Variants in HSD17B12 observed in about 807,000 individuals in gnomAD.
The protein encoded by HSD17B12 is very-long-chain 3-oxoacyl-CoA reductase.
A neutral mutation model predicts 39.3 loss-of-function variants in HSD17B12; 32 were observed. That is an observed-to-expected ratio of 0.81 (90% CI 0.61 to 1.09). HSD17B12 has a LOEUF of 1.09. HSD17B12 is among the 50% of genes least tolerant of loss of function. HSD17B12 has a pLI of 0.00. For missense variants in HSD17B12, 342 were observed against 382.9 expected, an observed-to-expected ratio of 0.89 and a Z score of 0.89; for synonymous variants, 150 against 146.7, an observed-to-expected ratio of 1.02 and a Z score of -0.16.
chr11:43,824,673 T>C (rs1951215354), intron 6 of HSD17B12, among the ~76,000 whole-genome samples: 1 of 152,142 alleles, frequency 6.6e-6, no homozygotes. Flanking sequence ...TGTCACCATA[T>C]TGGGGATTAG....
rs753384105 is a variant in HSD17B12, at chr11:43,680,851, C to T, written c.24C>T (p.Ala8=). Residue 8 remains alanine (A), a synonymous_variant, in exon 1 of 11, where the codon GCC becomes GCT. Coordinates refer to ENST00000278353, the MANE Select transcript of HSD17B12 (RefSeq NM_016142.3). Reference sequence around the variant, plus strand: ...CCATGGAGAGCGCTCTCCCCGCCGCCGGCTTCCTGTACTGGGTCGGCGCGG... The same window carrying T: ...CCATGGAGAGCGCTCTCCCCGCCGCTGGCTTCCTGTACTGGGTCGGCGCGG... MESALPA[A]GFLYWVGAGT... 2.5e-6 allele frequency: 4 copies of T among 1,614,024 alleles called. No homozygotes were observed. The highest frequency in any genetic ancestry group is 3.4e-6 in the Non-Finnish European group (4 of 1,180,036).
At chr11:43,801,921 A>G (rs1189957700) in intron 4 of HSD17B12, among the ~76,000 whole-genome samples, 1 of 152,160 alleles carries the variant, frequency 6.6e-6, no homozygotes, top group African/African-American at 2.4e-5. Context: ...AGCCACAGTA[A>G]TTTTAGCTTT....
At chr11:43,609,546 A>G in the HSD17B12 span, among the ~76,000 whole-genome samples, 2 of 151,818 alleles carry the variant, frequency 1.3e-5, no homozygotes, top group African/African-American at 2.4e-5. Context: ...TTTAATTTGT[A>G]GAGATGGGGT....
At position 43,814,018 on chromosome 11, in the gene HSD17B12, G is replaced by T. The variant is rs1466092498; in HGVS notation, c.392-1419G>T. Among the ~76,000 whole-genome samples the T allele has an allele frequency of 7.9e-5, 12 of 152,018 alleles. 1 individual carries two copies. Among genetic ancestry groups the T allele is most frequent in the African/African-American group, 2.9e-4 (12 of 41,378 alleles). ...TGAAAAGTTATTATTACTAATATCA[G>T]GTTTATATGGCATAATTCCTTATAA... On this transcript the variant is annotated intron_variant, in intron 4 of 10. Coordinates refer to ENST00000278353, the MANE Select transcript of HSD17B12 (RefSeq NM_016142.3).
intron 3 of HSD17B12, among the ~76,000 whole-genome samples, chr11:43,777,888 T>C (rs1285531997): frequency 6.6e-6 from 1 of 151,796 alleles, no homozygotes; most frequent in Non-Finnish European, 1.5e-5. Flanking sequence ...GCAGGAAAGA[T>C]CCAAAATTGA....
At position 43,816,205 on chromosome 11, in the gene HSD17B12, C is replaced by T. The variant is rs547213912; in HGVS notation, c.457-142C>T. Reference sequence around the variant, plus strand: ...GGAGAGTAAAATGAAATCTGCCTCTCTACCCCAACTCTTGTCATTTTTCCA... The same window carrying T: ...GGAGAGTAAAATGAAATCTGCCTCTTTACCCCAACTCTTGTCATTTTTCCA... On this transcript the variant is annotated intron_variant, in intron 5 of 10. Transcript: ENST00000278353. 18 of 585,318 alleles carry T rather than the reference C, an allele frequency of 3.1e-5. 1 individual carries two copies. In the South Asian group the frequency reaches 5.3e-4, roughly 17 times the overall value. The allele number at this position is 585,318 out of a possible 1,614,324, so 36.3% of individuals were successfully genotyped here.
chr11:43,784,336 ATTATTATT>A (rs1565088232), intron 3 of HSD17B12, among the ~76,000 whole-genome samples: 1 of 147,042 alleles, frequency 6.8e-6, no homozygotes, highest in African/African-American at 2.5e-5. Context: ...TATTATTATT[ATTATTATT>A]ATTTTAACTG....
the HSD17B12 span, among the ~76,000 whole-genome samples, chr11:43,592,916 C>A: frequency 6.6e-6 from 1 of 152,058 alleles, no homozygotes; most frequent in African/African-American, 2.4e-5. Context: ...AGGAGAGAGG[C>A]TGTGTTCTCA....
At chr11:43,655,019 G>A in the HSD17B12 span, among the ~76,000 whole-genome samples, 3 of 152,152 alleles carry the variant, frequency 2.0e-5, no homozygotes, top group Non-Finnish European at 4.4e-5. Context: ...TCACGATATT[G>A]ATTCTTCCTA....
At chr11:43,841,297 C>A (rs1026738668) in intron 9 of HSD17B12, among the ~76,000 whole-genome samples, 6 of 152,282 alleles carry the variant, frequency 3.9e-5, no homozygotes, top group Middle Eastern at 3.4e-3. Flanking sequence ...ATTTTAGATA[C>A]ATGATTTGCA....
chr11:43,596,347 TA>T, the HSD17B12 span, among the ~76,000 whole-genome samples: 1 of 152,110 alleles, frequency 6.6e-6, no homozygotes. Flanking sequence ...AGTTCCTGGG[TA>T]GAGTAAAGAA....
At chr11:43,788,419 A>G (rs574491936) in intron 3 of HSD17B12, among the ~76,000 whole-genome samples, 6 of 152,202 alleles carry the variant, frequency 3.9e-5, no homozygotes, top group Non-Finnish European at 7.3e-5. Flanking sequence ...CCAGATTTCT[A>G]AAGCAAATGT....
intron 1 of HSD17B12, among the ~76,000 whole-genome samples, chr11:43,702,590 A>G (rs188754771): frequency 6.6e-6 from 1 of 151,982 alleles, no homozygotes; most frequent in African/African-American, 2.4e-5. Context: ...TGTGGTTTTT[A>G]TCCTTTATTC....
At chr11:43,597,612 C>A in the HSD17B12 span, among the ~76,000 whole-genome samples, 1 of 151,970 alleles carries the variant, frequency 6.6e-6, no homozygotes, top group Non-Finnish European at 1.5e-5. Flanking sequence ...TTAAGAAAGA[C>A]CTCCTGCTTT....
At chr11:43,813,914 A>G (rs1951095983) in intron 4 of HSD17B12, among the ~76,000 whole-genome samples, 1 of 152,222 alleles carries the variant, frequency 6.6e-6, no homozygotes, top group African/African-American at 2.4e-5. Context: ...CTTGCAACTT[A>G]CAGCCTCAAG....
chr11:43,838,183 A>C, intron 7 of HSD17B12, 134 bp from the exon 8 acceptor site: 1 of 664,294 alleles, frequency 1.5e-6, no homozygotes, highest in Non-Finnish European at 2.7e-6. Context: ...TACTGATGAA[A>C]GGCAGGGAGA....
the HSD17B12 span, among the ~76,000 whole-genome samples, chr11:43,557,664 C>T: frequency 6.6e-6 from 1 of 152,158 alleles, no homozygotes; most frequent in Non-Finnish European, 1.5e-5. Context: ...ATCTTAAGGG[C>T]TGGTTGTGTA....
At chr11:43,703,644 G>T (rs932157272) in intron 1 of HSD17B12, among the ~76,000 whole-genome samples, 5 of 151,988 alleles carry the variant, frequency 3.3e-5, no homozygotes, top group African/African-American at 1.2e-4. Flanking sequence ...GTTCTATCTT[G>T]GTAGGTTGTA....
At chr11:43,697,851 C>A (rs189082517) in intron 1 of HSD17B12, among the ~76,000 whole-genome samples, 2 of 152,324 alleles carry the variant, frequency 1.3e-5, no homozygotes, top group Admixed American at 1.3e-4. Flanking sequence ...CCAGATCCCA[C>A]AGGCCCTTGA....
Sources: gnomAD v4.1 joint callset for allele counts (sites outside exome capture counted in the v4.1 genomes callset) on GRCh38, gnomAD v4.1.1 for gene constraint, MANE v1.5 for transcripts, NCBI Gene and HGNC (gene_info 2026-07-23, HGNC 2026-07-21) for gene names.